Variants in SEMA6D observed in about 807,000 individuals in gnomAD.
SEMA6D encodes the protein semaphorin 6D.
Under a neutral mutation model 106.6 loss-of-function variants are expected in SEMA6D, and 35 were observed. The ratio of observed to expected loss-of-function variants is 0.33; its 90% CI spans 0.25 to 0.44. The LOEUF (loss-of-function observed/expected upper bound fraction) is 0.44. Among genes scored for constraint, SEMA6D ranks in the 20% least tolerant of loss-of-function variants. The probability of loss-of-function intolerance (pLI) is 1.00; values close to 1 mark genes in which losing one functional copy is unlikely to be tolerated. For missense variants in SEMA6D, 1,185 were observed against 1,345.9 expected (o/e 0.88, Z 1.87); for synonymous variants, 499 against 487.7 (o/e 1.02, Z -0.31).
intron 1 of SEMA6D, among the ~76,000 whole-genome samples, chr15:47,350,499 A>C (rs1028495263): frequency 1.3e-5 from 2 of 152,174 alleles, no homozygotes; most frequent in Non-Finnish European, 2.9e-5. Flanking sequence ...GCAGCAAACC[A>C]CAGACGCTTC....
At chr15:47,400,758 A>C (rs2040372934) in intron 1 of SEMA6D, among the ~76,000 whole-genome samples, 1 of 152,322 alleles carries the variant, frequency 6.6e-6, no homozygotes, top group African/African-American at 2.4e-5. Context: ...CCTGTGGCCT[A>C]TTTCTAAAGC....
intron 1 of SEMA6D, among the ~76,000 whole-genome samples, chr15:47,403,107 G>A (rs1366771832): frequency 6.6e-6 from 1 of 152,178 alleles, no homozygotes; most frequent in Non-Finnish European, 1.5e-5. Context: ...CAGTCCACCT[G>A]AGGAAGTTTG....
intron 1 of SEMA6D, among the ~76,000 whole-genome samples, chr15:47,313,605 C>T (rs1427580371): frequency 6.6e-6 from 1 of 152,272 alleles, no homozygotes; most frequent in Non-Finnish European, 1.5e-5. Flanking sequence ...CTCTCTGTTG[C>T]CTAGGCTGGA....
At chr15:47,221,383 G>C (rs906004998) in intron 1 of SEMA6D, among the ~76,000 whole-genome samples, 2 of 152,122 alleles carry the variant, frequency 1.3e-5, no homozygotes, top group African/African-American at 4.8e-5. Context: ...CCCTGTTATT[G>C]CAACTCCCTC....
chr15:47,388,265 A>C (rs890209212), intron 1 of SEMA6D, among the ~76,000 whole-genome samples: 3 of 152,080 alleles, frequency 2.0e-5, no homozygotes, highest in Non-Finnish European at 4.4e-5. Context: ...ATATTCTTTT[A>C]TTTTTTTGGC....
chr15:47,560,522 C>T (rs924648887), intron 3 of SEMA6D, among the ~76,000 whole-genome samples: 4 of 151,416 alleles, frequency 2.6e-5, no homozygotes. Context: ...GTCTGAAGAA[C>T]AGAGAAAGAA....
intron 2 of SEMA6D, among the ~76,000 whole-genome samples, chr15:47,454,885 T>C (rs2042301275): frequency 6.6e-6 from 1 of 151,974 alleles, no homozygotes; most frequent in South Asian, 2.1e-4. Context: ...TGTCTAAATT[T>C]GAATCTTGGC....
chr15:47,704,178 G>A (rs1244404376), intron 4 of SEMA6D, among the ~76,000 whole-genome samples: 1 of 151,956 alleles, frequency 6.6e-6, no homozygotes, highest in Non-Finnish European at 1.5e-5. Context: ...TAGAGATAAG[G>A]TCTTAGTAAG....
At chr15:47,245,595 A>G (rs1425492254) in intron 1 of SEMA6D, among the ~76,000 whole-genome samples, 1 of 152,248 alleles carries the variant, frequency 6.6e-6, no homozygotes, top group Non-Finnish European at 1.5e-5. Flanking sequence ...TATCTGTACT[A>G]GTAAGGAAGA....
At chr15:47,725,150 A>T (rs2079658950) in intron 1 of SEMA6D, among the ~76,000 whole-genome samples, 1 of 152,200 alleles carries the variant, frequency 6.6e-6, no homozygotes, top group Non-Finnish European at 1.5e-5. Flanking sequence ...GAGAGGATAG[A>T]CACATATTGA....
At chr15:47,294,093 T>A (rs952763737) in intron 1 of SEMA6D, among the ~76,000 whole-genome samples, 8 of 152,138 alleles carry the variant, frequency 5.3e-5, no homozygotes, top group African/African-American at 1.9e-4. Context: ...ATGTTGGAAC[T>A]GCTTTCTAAA....
At chr15:47,721,101 TCCAACACCA>T (rs535667271) in intron 1 of SEMA6D, among the ~76,000 whole-genome samples, 30 of 152,360 alleles carry the variant, frequency 2.0e-4, no homozygotes, top group Non-Finnish European at 3.7e-4. Context: ...TAGCCAGTGT[TCCAACACCA>T]GGTGAGCCAG....
Position 47,569,974 on chromosome 15 carries a change from T to C in SEMA6D, c.-86-30891T>C, listed in dbSNP as rs572352242. Among the ~76,000 whole-genome samples the C allele has an allele frequency of 7.9e-5, 12 of 151,724 alleles. No homozygotes were observed. In the South Asian group the frequency reaches 1.5e-3, roughly 19 times the overall value. ...TACTCAGGAGGCTGAGGCGGGAGAA[T>C]TGCTTGAACCTGGGAGGCAGAGATT... On this transcript the variant is annotated intron_variant, in intron 3 of 19. Transcript: ENST00000558014.
At chr15:47,767,167 C>T (rs2082390573) in intron 17 of SEMA6D, 74 bp downstream of exon 17, 7 of 966,832 alleles carry the variant, frequency 7.2e-6, no homozygotes, top group Admixed American at 2.3e-5. Context: ...CCCCTTCTCC[C>T]CTCCTTTTGC....
intron 3 of SEMA6D, among the ~76,000 whole-genome samples, chr15:47,529,603 T>TAAAA (rs67339779): frequency 0.06 from 8,122 of 135,562 alleles, 323 homozygotes; most frequent in South Asian, 0.12. Context: ...TCTGTAGCAC[T>TAAAA]AAAAAAAAAA....
intron 1 of SEMA6D, among the ~76,000 whole-genome samples, chr15:47,251,614 T>G (rs911237318): frequency 1.3e-5 from 2 of 152,186 alleles, no homozygotes; most frequent in African/African-American, 4.8e-5. Flanking sequence ...AATTAATGAC[T>G]GTGATCTTTT....
chr15:47,494,739 G>GATAT (rs2043582620), intron 3 of SEMA6D, among the ~76,000 whole-genome samples: 2 of 42,400 alleles, frequency 4.7e-5, no homozygotes, highest in Non-Finnish European at 8.9e-5. Context: ...GAGTGGGATG[G>GATAT]AGATATATAT....
intron 1 of SEMA6D, among the ~76,000 whole-genome samples, chr15:47,370,705 A>T (rs981636298): frequency 1.0e-4 from 15 of 150,010 alleles, no homozygotes; most frequent in Non-Finnish European, 1.9e-4. Flanking sequence ...AAAAAAAAAA[A>T]AAAAATTTGA....
chr15:47,377,430 C>T (rs1257354085), intron 1 of SEMA6D, among the ~76,000 whole-genome samples: 1 of 152,090 alleles, frequency 6.6e-6, no homozygotes, highest in East Asian at 1.9e-4. Context: ...GGATGAGAAA[C>T]AGAGGGTAAC....
Sources: gnomAD v4.1 joint callset for allele counts (sites outside exome capture counted in the v4.1 genomes callset) on GRCh38, gnomAD v4.1.1 for gene constraint, MANE v1.5 for transcripts, NCBI Gene and HGNC (gene_info 2026-07-23, HGNC 2026-07-21) for gene names.